The following CABIN1 variants were observed in gnomAD, a reference collection of about 807,000 sequenced individuals.
The protein encoded by CABIN1 is calcineurin-binding protein cabin-1.
Under a neutral mutation model 227.7 loss-of-function variants are expected in CABIN1, and 133 were observed. The observed-to-expected ratio is 0.58, with a 90% CI of 0.51 to 0.67. The LOEUF (loss-of-function observed/expected upper bound fraction) is 0.67, where lower values mean the gene tolerates loss of function less well. Ranked by LOEUF, CABIN1 falls within the 30% of genes least tolerant of loss-of-function variation. The probability of loss-of-function intolerance (pLI) is 0.00; values close to 1 mark genes in which losing one functional copy is unlikely to be tolerated. For missense variants in CABIN1, 2,408 were observed against 2,852.5 expected (o/e 0.84, Z 3.55); for synonymous variants, 1,086 against 1,155.1 (o/e 0.94, Z 1.21).
At chr22:24,101,293 G>GA (rs1382097463) in intron 26 of CABIN1, among the ~76,000 whole-genome samples, 1 of 152,182 alleles carries the variant, frequency 6.6e-6, no homozygotes, top group African/African-American at 2.4e-5. Flanking sequence ...AAAAGATTTA[G>GA]AAAAATAGCT....
intron 1 of CABIN1, among the ~76,000 whole-genome samples, chr22:24,021,594 T>C (rs1458873068): frequency 6.6e-6 from 1 of 152,208 alleles, no homozygotes; most frequent in Non-Finnish European, 1.5e-5. Context: ...ACTGCCATAC[T>C]TGGTGCGTGA....
chr22:24,068,196 G>A (rs1454729591), intron 16 of CABIN1, among the ~76,000 whole-genome samples: 1 of 152,228 alleles, frequency 6.6e-6, no homozygotes, highest in African/African-American at 2.4e-5. Context: ...GTTTGGGGAA[G>A]CAGGAGGGAG....
chr22:24,015,839 T>A (rs1190459828), intron 1 of CABIN1, among the ~76,000 whole-genome samples: 1 of 151,878 alleles, frequency 6.6e-6, no homozygotes, highest in Non-Finnish European at 1.5e-5. Context: ...ATGCATGTAG[T>A]CCCAGCTACC....
intron 28 of CABIN1, among the ~76,000 whole-genome samples, chr22:24,130,919 C>T (rs1022232426): frequency 1.3e-5 from 2 of 152,230 alleles, no homozygotes; most frequent in Non-Finnish European, 2.9e-5. Context: ...GTGCTTTCTG[C>T]ACCCTTTGCC....
chr22:24,139,543 G>T lies in CABIN1; in HGVS notation c.4746+5128G>T, dbSNP rs2044621423. 3.9e-5 allele frequency among the ~76,000 whole-genome samples: 6 copies of T among 151,918 alleles called. 1 individual carries two copies. The South Asian group carries it at 1.2e-3, about 32-fold the overall frequency. On this transcript the variant is annotated intron_variant, in intron 29 of 36. Coordinates refer to ENST00000263119, the MANE Select transcript of CABIN1 (RefSeq NM_012295.4). Reference sequence around the variant, plus strand: ...ATTGCACCACTGCGCTCCAGCCTGGGCGACAGAGCAAGACTCCGTGTCAAA... The same window carrying T: ...ATTGCACCACTGCGCTCCAGCCTGGTCGACAGAGCAAGACTCCGTGTCAAA...
At chr22:24,123,225 T>G (rs939781216) in intron 28 of CABIN1, among the ~76,000 whole-genome samples, 1 of 152,142 alleles carries the variant, frequency 6.6e-6, no homozygotes, top group African/African-American at 2.4e-5. Flanking sequence ...CAGTAGCCAT[T>G]AGCCTCAGTT....
chr22:24,151,633 A>G (rs922295423), intron 29 of CABIN1, among the ~76,000 whole-genome samples: 8 of 152,076 alleles, frequency 5.3e-5, no homozygotes, highest in Non-Finnish European at 1.0e-4. Context: ...CTATTGCCTC[A>G]GGGAGGCTCT....
chr22:24,143,547 G>A (rs943591560), intron 29 of CABIN1, among the ~76,000 whole-genome samples: 2 of 152,208 alleles, frequency 1.3e-5, no homozygotes, highest in Non-Finnish European at 2.9e-5. Flanking sequence ...GGGCTCTTGA[G>A]GCTGAGAGCA....
intron 29 of CABIN1, among the ~76,000 whole-genome samples, chr22:24,145,344 G>GT (rs1363153779): frequency 1.3e-5 from 2 of 152,204 alleles, no homozygotes; most frequent in Admixed American, 1.3e-4. Flanking sequence ...GGGCTCCAAA[G>GT]TGCTGTGTTT....
chr22:24,110,487 C>T (rs1189250947), intron 26 of CABIN1, among the ~76,000 whole-genome samples: 1 of 152,126 alleles, frequency 6.6e-6, no homozygotes, highest in East Asian at 1.9e-4. Context: ...TAACTTTAAC[C>T]ATTTCTGGGA....
intron 33 of CABIN1, among the ~76,000 whole-genome samples, chr22:24,169,345 T>G (rs185285462): frequency 2.6e-5 from 4 of 152,230 alleles, no homozygotes; most frequent in Admixed American, 2.6e-4. Context: ...CAGGTCCCTT[T>G]GTTCCAGGTC....
chr22:24,177,760 C>T lies in CABIN1; in HGVS notation c.6462C>T (p.Thr2154=), dbSNP rs776027504. Residue 2154 remains threonine (T), a synonymous_variant, in exon 36 of 37, where the codon ACC becomes ACT. Coordinates refer to ENST00000263119, the MANE Select transcript of CABIN1 (RefSeq NM_012295.4). This position sits in a 1 kb window ranked among gnomAD's most constrained non-coding sequence, Gnocchi z 4.4. ...FPPEITVTPP[T]PTLLSPKGSI... is the part of the protein sequence containing the mutation. ...CTGAGATCACCGTCACGCCACCCAC[C>T]CCAACCCTGCTCTCCCCCAAAGGCA... 4 of 1,611,354 alleles carry T rather than the reference C, an allele frequency of 2.5e-6. No individual in the cohort carries two copies. The highest frequency in any genetic ancestry group is 3.4e-6 in the Non-Finnish European group (4 of 1,178,194).
intron 26 of CABIN1, among the ~76,000 whole-genome samples, chr22:24,105,594 T>C (rs2042466848): frequency 1.3e-5 from 2 of 152,170 alleles, no homozygotes; most frequent in Admixed American, 6.5e-5. Flanking sequence ...ATACCTGGAC[T>C]GTGGACAGTC....
rs1475475483 is a variant in CABIN1, at chr22:24,087,728, C to T, written c.3525+15C>T. On this transcript the variant is annotated intron_variant, in intron 23 of 36. Transcript: ENST00000263119. ...TCGTGCAGCAGGTGAGGAGGGGGTG[C>T]TGCAGATGGGCTTGCCATCCTTCTG... 6.2e-7 allele frequency: 1 copy of T among 1,613,106 alleles called. No homozygotes were observed. The highest frequency in any genetic ancestry group is 8.5e-7 in the Non-Finnish European group (1 of 1,180,018).
intron 29 of CABIN1, among the ~76,000 whole-genome samples, chr22:24,163,060 T>C (rs971709268): frequency 2.0e-5 from 3 of 152,176 alleles, no homozygotes; most frequent in African/African-American, 4.8e-5. Context: ...CACATCTGCA[T>C]GGTAGGAAGA....
chr22:24,118,769 C>A (rs8141422), intron 27 of CABIN1, among the ~76,000 whole-genome samples: 6,578 of 152,298 alleles, frequency 0.043, 272 homozygotes, highest in African/African-American at 0.1. Flanking sequence ...AGCACCACCA[C>A]CCAGCCTGGG....
intron 34 of CABIN1, chr22:24,175,780 C>A (rs1020029333): frequency 1.1e-5 from 5 of 455,972 alleles, no homozygotes; most frequent in South Asian, 2.2e-5. Context: ...ACTGCCCCCC[C>A]ATCCCCTCTC....
At chr22:24,027,230 G>A (rs1328622626) in intron 1 of CABIN1, among the ~76,000 whole-genome samples, 1 of 152,012 alleles carries the variant, frequency 6.6e-6, no homozygotes, top group Non-Finnish European at 1.5e-5. Context: ...TGTACCCTAT[G>A]ACTTTGCTAA....
chr22:24,175,188 G>T (rs1260681278), intron 34 of CABIN1, among the ~76,000 whole-genome samples: 2 of 152,232 alleles, frequency 1.3e-5, no homozygotes, highest in African/African-American at 4.8e-5. Context: ...GGGGGCGAGG[G>T]GGTGGAGGCT....
Sources: gnomAD v4.1 joint callset for allele counts (sites outside exome capture counted in the v4.1 genomes callset) on GRCh38, gnomAD v4.1.1 for gene constraint, Gnocchi (gnomAD v3.1) non-coding constraint, MANE v1.5 for transcripts, NCBI Gene and HGNC (gene_info 2026-07-23, HGNC 2026-07-21) for gene names.